MEGF8: variants seen among roughly 807,000 people sequenced by gnomAD.
MEGF8 encodes multiple epidermal growth factor-like domains protein 8.
In MEGF8, 156 loss-of-function variants were observed where a neutral mutation model predicts 302.9. That is an observed-to-expected ratio of 0.52 (90% confidence interval 0.45 to 0.59). The LOEUF (loss-of-function observed/expected upper bound fraction) is 0.59. MEGF8 is among the 20% of genes least tolerant of loss of function. The pLI, the probability that MEGF8 is intolerant of heterozygous loss-of-function variation, is 0.00. For missense variants in MEGF8, 3,345 were observed against 3,964.5 expected (o/e 0.84, Z 4.20); for synonymous variants, 1,621 against 1,660.5 (o/e 0.98, Z 0.58).
rs2147488639 is a variant in MEGF8, at chr19:42,358,110, C to T, written c.5012-34C>T. ...CGGCGGGGTCAGTGCTGTTGTCAGCCCCTCCCCCAGCCTGTCACCCTGCCC... is the reference window on the plus strand; with the variant it reads ...CGGCGGGGTCAGTGCTGTTGTCAGCTCCTCCCCCAGCCTGTCACCCTGCCC... On this transcript the variant is annotated intron_variant, in intron 28 of 41. Coordinates refer to ENST00000251268, the MANE Select transcript of MEGF8 (RefSeq NM_001271938.2). The surrounding 1 kb of genome is among the most constrained non-coding windows in gnomAD (Gnocchi z 4.4). 2 of 1,499,102 alleles carry T rather than the reference C, an allele frequency of 1.3e-6. No individual in the cohort carries two copies. The highest frequency in any genetic ancestry group is 1.8e-6 in the Non-Finnish European group (2 of 1,125,676). The allele number at this position is 1,499,102 out of a possible 1,614,324, so 92.9% of individuals were successfully genotyped here. A position where few individuals can be genotyped will look rare whatever the true frequency, so the allele number is the denominator to read the frequency against.
chr19:42,337,035 C>T (rs2039138192), intron 7 of MEGF8, 49 bp from the exon 8 acceptor site: 1 of 1,612,728 alleles, frequency 6.2e-7, no homozygotes, highest in Non-Finnish European at 8.5e-7. Context: ...AGGGGAGTCC[C>T]CCCACCTCCC....
intron 31 of MEGF8, 62 bp downstream of exon 31, chr19:42,359,304 C>T (rs921874972): frequency 2.2e-5 from 32 of 1,442,760 alleles, no homozygotes; most frequent in Non-Finnish European, 2.9e-5. Context: ...CCATCCCCAT[C>T]CTGGGACTCC....
chr19:42,333,700 C>T lies in MEGF8; in HGVS notation c.283C>T (p.Arg95Ter), dbSNP rs376057779. The T allele has an allele frequency of 3.1e-6, 5 of 1,613,870 alleles. No individual in the cohort carries two copies. The highest frequency in any genetic ancestry group is 1.3e-5 in the African/African-American group (1 of 74,932). ...GTTCGTGTATGACGGTGACTCCCCG[C>T]GAGGGCCGCTGCTTGCCAGTCTAAG... ...YLFVYDGDSP[R>*]GPLLASLSGS... The change falls in exon 2 of 42, where the codon CGA becomes TGA. Residue 95 changes from arginine (R) to a stop codon, truncating the protein, a stop_gained. Coordinates refer to ENST00000251268, the MANE Select transcript of MEGF8 (RefSeq NM_001271938.2). LOFTEE classifies it high-confidence loss of function.
chr19:42,377,549 G>A lies in MEGF8; in HGVS notation c.*774G>A, dbSNP rs2039785063. 1 of 152,572 alleles carries A rather than the reference G, an allele frequency of 6.6e-6. No individual in the cohort carries two copies. Among genetic ancestry groups the A allele is most frequent in the Non-Finnish European group, 1.5e-5 (1 of 68,066 alleles). 9.5% of individuals were successfully genotyped at this position (152,572 alleles called of 1,614,324 possible). A position where few individuals can be genotyped will look rare whatever the true frequency, so the allele number is the denominator to read the frequency against. ...CATGCCTATAATCCTAGCACTTTGA[G>A]AGGCCAAGGTGGGCTGATCACAAGG... On this transcript the variant is annotated 3_prime_UTR_variant, in exon 42 of 42. Transcript: ENST00000251268.
rs747726335 is a variant in MEGF8, at chr19:42,354,398, C to T, written c.4012-190C>T. Among the ~76,000 whole-genome samples the T allele has an allele frequency of 6.6e-6, 1 of 152,088 alleles. No individual in the cohort carries two copies. The highest frequency in any genetic ancestry group is 1.5e-5 in the Non-Finnish European group (1 of 68,038). On this transcript the variant is annotated intron_variant, in intron 22 of 41. Coordinates refer to ENST00000251268, the MANE Select transcript of MEGF8 (RefSeq NM_001271938.2). The surrounding 1 kb of genome is among the most constrained non-coding windows in gnomAD (Gnocchi z 4.3). ...ATGCAAGAGTGCCTGATAGATGAGC[C>T]GTGTCTACTTTGGACACAGGAAGGG...
At position 42,358,742 on chromosome 19, in the gene MEGF8, G is replaced by A. The variant is rs747107455; in HGVS notation, c.5176-45G>A. ...CTTGGAGGCAGGGGGCTAGAAGCAA[G>A]AGACTCGAGGAGCCTCAACCCCAGG... On this transcript the variant is annotated intron_variant, in intron 29 of 41. Coordinates refer to ENST00000251268, the MANE Select transcript of MEGF8 (RefSeq NM_001271938.2). The surrounding 1 kb of genome is among the most constrained non-coding windows in gnomAD (Gnocchi z 4.4). 3.4e-6 allele frequency: 5 copies of A among 1,471,262 alleles called. No individual in the cohort carries two copies. The highest frequency in any genetic ancestry group is 3.6e-6 in the Non-Finnish European group (4 of 1,110,772). The allele number at this position is 1,471,262 out of a possible 1,614,324, so 91.1% of individuals were successfully genotyped here.
rs1568576935 is a variant in MEGF8, at chr19:42,370,728, A to AGTGAAGACGAGGCCGT, written c.7037_7052dup (p.Cys2351Ter). On this transcript the variant is annotated frameshift_variant, in exon 40 of 42. Coordinates refer to ENST00000251268, the MANE Select transcript of MEGF8 (RefSeq NM_001271938.2). LOFTEE classifies it high-confidence loss of function. ...TGAAAACTGGGTGACAGAGGGTCCTAGTGAAGACGAGGCCGTGTGCGTGAA... is the reference window on the plus strand; with the variant it reads ...TGAAAACTGGGTGACAGAGGGTCCTAGTGAAGACGAGGCCGTGTGAAGACGAGGCCGTGTGCGTGAA... 1 of 1,590,458 alleles carries AGTGAAGACGAGGCCGT rather than the reference A, an allele frequency of 6.3e-7. No homozygotes were observed. The highest frequency in any genetic ancestry group is 8.6e-7 in the Non-Finnish European group (1 of 1,168,588).
At chr19:42,332,431 A>G (rs888814765) in intron 1 of MEGF8, among the ~76,000 whole-genome samples, 2 of 151,874 alleles carry the variant, frequency 1.3e-5, no homozygotes, top group Middle Eastern at 3.4e-3. Context: ...GCAATGGCAC[A>G]ATCTCGGCTC....
chr19:42,335,458 C>A, intron 5 of MEGF8, 73 bp downstream of exon 5: 1 of 1,353,928 alleles, frequency 7.4e-7, no homozygotes, highest in South Asian at 1.2e-5. Context: ...CCGGAATGAT[C>A]CCCTATCACC....
At position 42,338,873 on chromosome 19, in the gene MEGF8, C is replaced by T. The variant is rs990737496; in HGVS notation, c.1513+1667C>T. 8.3e-5 allele frequency among the ~76,000 whole-genome samples: 9 copies of T among 108,496 alleles called. No individual in the cohort carries two copies. In the Admixed American group the frequency reaches 1.0e-3, roughly 12 times the overall value. 71.2% of individuals were successfully genotyped at this position (108,496 alleles called of 152,430 possible). A position where few individuals can be genotyped will look rare whatever the true frequency, so the allele number is the denominator to read the frequency against. ...TTTTTGAGACGGAGTTTCGCTCTGT[C>T]GCCCAGGCTGGAGTGCAGTGGCGGG... On this transcript the variant is annotated intron_variant, in intron 8 of 41. Transcript: ENST00000251268.
At chr19:42,365,772 TAA>T (rs771190592) in intron 35 of MEGF8, among the ~76,000 whole-genome samples, 16 of 57,666 alleles carry the variant, frequency 2.8e-4, no homozygotes, top group Middle Eastern at 0.01. Context: ...ACCCCGTCTC[TAA>T]AAAAAAAAAA....
In MEGF8 at chr19:42,362,524, G is replaced by A. The variant is rs143397959; in HGVS notation, c.5985G>A (p.Ala1995=). The part of the protein sequence containing the change: ...VFWAGNCSEA[A]CGAADCEQCT... ...GGGCAGGGAACTGCTCCGAGGCTGC[G>A]TGCGGGGCTGCTGACTGCGAGCAGT... is the stretch of plus-strand genomic sequence containing the variant. Residue 1995 remains alanine (A), a synonymous_variant, in exon 34 of 42, where the codon GCG becomes GCA. Transcript: ENST00000251268. 1.0e-4 allele frequency: 165 copies of A among 1,613,798 alleles called. No homozygotes were observed. Among genetic ancestry groups the A allele is most frequent in the Middle Eastern group, 1.6e-4 (1 of 6,062 alleles).
In MEGF8 at chr19:42,376,547, C is replaced by G. The variant is rs745409996; in HGVS notation, c.8310C>G (p.Leu2770=). ...GGCTGCGAGCTGGGCCCATCACTCT[C>G]GAGCCCACAGAAGATGGCATGGCTG... ...TAGLRAGPIT[L]EPTEDGMAGV... Residue 2770 remains leucine (L), a synonymous_variant, in exon 42 of 42, where the codon CTC becomes CTG. Transcript: ENST00000251268. This position sits in a 1 kb window ranked among gnomAD's most constrained non-coding sequence, Gnocchi z 8.2. 1 of 1,560,276 alleles carries G rather than the reference C, an allele frequency of 6.4e-7. No homozygotes were observed. Among genetic ancestry groups the G allele is most frequent in the Non-Finnish European group, 8.7e-7 (1 of 1,154,986 alleles).
rs1468604111 is a variant in MEGF8, at chr19:42,351,793, C to T, written c.3101+32C>T. 13 of 1,525,346 alleles carry T rather than the reference C, an allele frequency of 8.5e-6. No homozygotes were observed. In the South Asian group the frequency reaches 1.4e-4, roughly 17 times the overall value. 94.5% of individuals were successfully genotyped at this position (1,525,346 alleles called of 1,614,324 possible). ...CCGGGCAGGTGGGTGGGCAGGGTGC[C>T]CGGCTGTGTCCTTCCTCCATGACCG... On this transcript the variant is annotated intron_variant, in intron 18 of 41. Transcript: ENST00000251268. This position sits in a 1 kb window ranked among gnomAD's most constrained non-coding sequence, Gnocchi z 5.6.
chr19:42,334,168 G>T lies in MEGF8; in HGVS notation c.513G>T (p.Leu171=), dbSNP rs1399009113. 7 of 1,610,726 alleles carry T rather than the reference G, an allele frequency of 4.3e-6. No homozygotes were observed. In the South Asian group the frequency reaches 5.5e-5, roughly 13 times the overall value. The change falls in exon 3 of 42, where the codon CTG becomes CTT. Residue 171 remains leucine, a synonymous_variant. Transcript: ENST00000251268. The part of the protein sequence containing the change: ...EPGWGGPDCG[L]QECSAYCGSH... ...GCTGGGGGGGTCCTGACTGTGGCCT[G>T]CAGGAGTGCTCAGCCTACTGTGGCA...
At position 42,351,664 on chromosome 19, in the gene MEGF8, C is replaced by T. The variant is rs1374279391; in HGVS notation, c.3004C>T (p.Arg1002Trp). The change falls in exon 18 of 42, where the codon CGG becomes TGG. Residue 1002 changes from arginine (R) to tryptophan (W), a missense_variant. Physicochemically the swap from Arg to Trp is moderately radical, Grantham distance 101. Transcript: ENST00000251268. The surrounding 1 kb of genome is among the most constrained non-coding windows in gnomAD (Gnocchi z 5.6). ...ATCCTGCAGTGTACACTCGGAGCCA[C>T]GGTGCCGGAGCTGCGATGGCTTCCT... is the stretch of plus-strand genomic sequence containing the variant. ...GWDDSVHSEP[R>W]CRSCDGFLTC... 1.8e-5 allele frequency: 28 copies of T among 1,590,048 alleles called. No homozygotes were observed. The highest frequency in any genetic ancestry group is 1.7e-4 in the Middle Eastern group (1 of 6,058).
chr19:42,349,759 GC>G, intron 14 of MEGF8, 60 bp downstream of exon 14: 1 of 1,551,008 alleles, frequency 6.4e-7, no homozygotes, highest in Non-Finnish European at 8.8e-7. Flanking sequence ...GATCACCTGG[GC>G]TTTCTGAACC....
rs1435389222 is a variant in MEGF8, at chr19:42,360,884, C to G, written c.5598C>G (p.Arg1866=). ...SGGFGGVALG[R]LLALTLPPDP... is the part of the protein sequence containing the mutation. ...GTTTCGGGGGAGTGGCCCTGGGCCG[C>G]CTGCTGGCACTGACCCTGCCCCCTG... Residue 1866 remains arginine (R), a synonymous_variant, in exon 32 of 42, where the codon CGC becomes CGG. Transcript: ENST00000251268. The G allele has an allele frequency of 2.5e-6, 4 of 1,613,402 alleles. No individual in the cohort carries two copies. The highest frequency in any genetic ancestry group is 3.4e-6 in the Non-Finnish European group (4 of 1,179,890).
intron 35 of MEGF8, 68 bp downstream of exon 35, chr19:42,363,330 A>G (rs2039560370): frequency 1.5e-6 from 2 of 1,358,914 alleles, no homozygotes; most frequent in South Asian, 2.6e-5. Flanking sequence ...CTGCGCTGGC[A>G]GGGACCTTTC....
Sources: gnomAD v4.1 joint callset for allele counts (sites outside exome capture counted in the v4.1 genomes callset) on GRCh38, gnomAD v4.1.1 for gene constraint, Gnocchi (gnomAD v3.1) non-coding constraint, MANE v1.5 for transcripts, NCBI Gene and HGNC (gene_info 2026-07-23, HGNC 2026-07-21) for gene names.